The following RNGTT variants were observed in gnomAD, a reference collection of about 807,000 sequenced individuals.
RNGTT encodes RNA guanylyltransferase and 5'-phosphatase.
A neutral mutation model predicts 79.3 loss-of-function variants in RNGTT; 33 were observed. The observed-to-expected ratio is 0.42, with a 90% CI of 0.32 to 0.56. The LOEUF (loss-of-function observed/expected upper bound fraction) is 0.56, where lower values mean the gene tolerates loss of function less well. Ranked by LOEUF, RNGTT falls within the 20% of genes least tolerant of loss-of-function variation. The pLI is 0.17. For synonymous variants in RNGTT, 222 were observed against 235.9 expected, an observed-to-expected ratio of 0.94 and a Z score of 0.54; for missense variants, 497 against 739.1, an observed-to-expected ratio of 0.67 and a Z score of 3.80.
At chr6:88,613,096 A>G (rs774907793) in intron 15 of RNGTT, among the ~76,000 whole-genome samples, 3 of 152,184 alleles carry the variant, frequency 2.0e-5, no homozygotes, top group Non-Finnish European at 4.4e-5. Flanking sequence ...TTAATTTTAA[A>G]CCAAAACTTT....
chr6:88,830,298 A>C (rs984816183), intron 11 of RNGTT, among the ~76,000 whole-genome samples: 1 of 152,200 alleles, frequency 6.6e-6, no homozygotes, highest in Non-Finnish European at 1.5e-5. Context: ...TACTGGCAGA[A>C]ATAAAGAAGT....
chr6:88,731,816 A>C (rs1052949580), intron 13 of RNGTT, among the ~76,000 whole-genome samples: 8 of 152,200 alleles, frequency 5.3e-5, no homozygotes, highest in African/African-American at 1.9e-4. Context: ...CCCAAAACTT[A>C]ACTACTAATA....
chr6:88,782,610 G>C (rs1262432596), intron 12 of RNGTT, among the ~76,000 whole-genome samples: 1 of 152,052 alleles, frequency 6.6e-6, no homozygotes, highest in African/African-American at 2.4e-5. Context: ...AAAGTGAAAG[G>C]TCACCTATGA....
chr6:88,959,535 C>T (rs952902848), intron 1 of RNGTT, among the ~76,000 whole-genome samples: 2 of 152,134 alleles, frequency 1.3e-5, no homozygotes, highest in African/African-American at 4.8e-5. Context: ...CTAAATACGA[C>T]ATCAAGTTCT....
At chr6:88,724,377 A>C (rs1776813021) in intron 13 of RNGTT, among the ~76,000 whole-genome samples, 1 of 152,218 alleles carries the variant, frequency 6.6e-6, no homozygotes. Flanking sequence ...ATATGTAAAT[A>C]CAATTGTGTT....
intron 8 of RNGTT, among the ~76,000 whole-genome samples, chr6:88,859,218 T>G (rs1239166151): frequency 6.6e-6 from 1 of 151,882 alleles, no homozygotes; most frequent in Non-Finnish European, 1.5e-5. Context: ...TTTTTTAACT[T>G]TATCTTAGAA....
intron 13 of RNGTT, among the ~76,000 whole-genome samples, chr6:88,690,081 C>T (rs79469205): frequency 0.033 from 5,047 of 151,984 alleles, 112 homozygotes; most frequent in Non-Finnish European, 0.052. Context: ...AATAACTGAC[C>T]AGTATTCTTT....
At chr6:88,927,412 C>G (rs1784356002) in intron 4 of RNGTT, among the ~76,000 whole-genome samples, 1 of 152,108 alleles carries the variant, frequency 6.6e-6, no homozygotes, top group Non-Finnish European at 1.5e-5. Flanking sequence ...CCTGTAATCC[C>G]AGCACTTTGG....
chr6:88,753,361 T>C (rs9351177), intron 13 of RNGTT, among the ~76,000 whole-genome samples: 19,484 of 151,588 alleles, frequency 0.13, 1,429 homozygotes, highest in Middle Eastern at 0.23. Context: ...AAATTAGCCA[T>C]GTGTGGTGGC....
intron 12 of RNGTT, among the ~76,000 whole-genome samples, chr6:88,787,464 T>C (rs1205168587): frequency 6.6e-6 from 1 of 151,918 alleles, no homozygotes; most frequent in Admixed American, 6.6e-5. Flanking sequence ...ATCCAGACCA[T>C]CCTGGCCAAC....
At chr6:88,901,422 T>G (rs1325580886) in intron 6 of RNGTT, among the ~76,000 whole-genome samples, 2 of 150,116 alleles carry the variant, frequency 1.3e-5, no homozygotes, top group African/African-American at 2.5e-5. Context: ...GGTAGCTAAC[T>G]TCTCAACAGA....
chr6:88,909,414 C>T (rs1426580952), intron 4 of RNGTT, among the ~76,000 whole-genome samples: 1 of 152,194 alleles, frequency 6.6e-6, no homozygotes, highest in Non-Finnish European at 1.5e-5. Flanking sequence ...ACCACCCTTG[C>T]TTGACCCACT....
At chr6:88,963,035 G>C (rs1463674680) in intron 1 of RNGTT, among the ~76,000 whole-genome samples, 1 of 152,006 alleles carries the variant, frequency 6.6e-6, no homozygotes, top group African/African-American at 2.4e-5. Flanking sequence ...AACCCTAACA[G>C]GTTCGCAAAC....
chr6:88,917,995 T>TAATG (rs1218146429), intron 4 of RNGTT, among the ~76,000 whole-genome samples: 1 of 152,124 alleles, frequency 6.6e-6, no homozygotes, highest in African/African-American at 2.4e-5. Context: ...AGATGTCACA[T>TAATG]AATGATTAGA....
chr6:88,960,599 A>G (rs1174646021), intron 1 of RNGTT, among the ~76,000 whole-genome samples: 1 of 152,128 alleles, frequency 6.6e-6, no homozygotes, highest in Non-Finnish European at 1.5e-5. Context: ...AAGAAAAGAA[A>G]AGAAAAAAAG....
chr6:88,836,011 CACACACACACACATAT>C (rs1446528528), intron 11 of RNGTT, among the ~76,000 whole-genome samples: 7 of 121,816 alleles, frequency 5.7e-5, no homozygotes, highest in Non-Finnish European at 1.1e-4. Context: ...CACACACACA[CACACACACACACATAT>C]ATATATAAGA....
At chr6:88,742,042 T>TCAG (rs1777510023) in intron 13 of RNGTT, among the ~76,000 whole-genome samples, 1 of 152,176 alleles carries the variant, frequency 6.6e-6, no homozygotes, top group Non-Finnish European at 1.5e-5. Flanking sequence ...TTAAAAAACA[T>TCAG]TTATTAAATG....
At chr6:88,911,111 C>A (rs549923826) in intron 4 of RNGTT, among the ~76,000 whole-genome samples, 2 of 151,972 alleles carry the variant, frequency 1.3e-5, no homozygotes, top group Admixed American at 1.3e-4. Context: ...AGCACCACCG[C>A]AGGAAAAAAA....
chr6:88,804,695 A>G (rs1157083465), intron 11 of RNGTT, among the ~76,000 whole-genome samples: 1 of 152,176 alleles, frequency 6.6e-6, no homozygotes, highest in South Asian at 2.1e-4. Context: ...TAGAAATATT[A>G]GCTTTTGTTT....
Sources: allele counts gnomAD v4.1 joint callset (sites outside exome capture counted in the v4.1 genomes callset), GRCh38; gene constraint gnomAD v4.1.1; transcripts MANE v1.5; gene names NCBI Gene and HGNC (gene_info 2026-07-23, HGNC 2026-07-21).